RBFOX1: variants seen among roughly 807,000 people sequenced by gnomAD.
RBFOX1 encodes the protein RNA binding fox-1 homolog 1, also known as RNA binding protein fox-1 homolog 1.
A neutral mutation model predicts 57.7 loss-of-function variants in RBFOX1; 8 were observed. The observed-to-expected ratio is 0.14, with a 90% CI of 0.08 to 0.25. RBFOX1 has a LOEUF of 0.25. RBFOX1 is among the 10% of genes least tolerant of loss of function. The pLI is 1.00. For synonymous variants in RBFOX1, 326 were observed against 222.4 expected (o/e 1.47, Z -4.15); for missense variants, 611 against 548.5 (o/e 1.11, Z -1.14).
intron 1 of RBFOX1, among the ~76,000 whole-genome samples, chr16:6,071,489 G>A (rs933727): frequency 0.33 from 50,054 of 151,926 alleles, 8,480 homozygotes; most frequent in East Asian, 0.42. Context: ...TGAGTTTACC[G>A]ATATAACAAA....
chr16:6,204,347 A>G (rs1489331071), intron 1 of RBFOX1, among the ~76,000 whole-genome samples: 1 of 152,180 alleles, frequency 6.6e-6, no homozygotes, highest in Non-Finnish European at 1.5e-5. Flanking sequence ...GTGACCACTC[A>G]TCCAGATGTA....
At chr16:6,515,876 T>C (rs1488552516) in intron 2 of RBFOX1, among the ~76,000 whole-genome samples, 2 of 152,334 alleles carry the variant, frequency 1.3e-5, no homozygotes, top group South Asian at 2.1e-4. Context: ...AACACCTAGC[T>C]CAAATGTCAG....
At chr16:6,220,632 G>A (rs1470338655) in intron 1 of RBFOX1, among the ~76,000 whole-genome samples, 7 of 152,022 alleles carry the variant, frequency 4.6e-5, no homozygotes, top group Non-Finnish European at 1.0e-4. Context: ...TTACAGAGCT[G>A]TTTCTTCTAA....
At chr16:7,318,735 T>G (rs949137961) in intron 4 of RBFOX1, among the ~76,000 whole-genome samples, 1 of 152,206 alleles carries the variant, frequency 6.6e-6, no homozygotes, top group African/African-American at 2.4e-5. Flanking sequence ...TTTTGCTTTT[T>G]ATAGCAGGCT....
At chr16:7,017,621 C>G (rs1357090887) in intron 3 of RBFOX1, among the ~76,000 whole-genome samples, 1 of 152,132 alleles carries the variant, frequency 6.6e-6, no homozygotes, top group Non-Finnish European at 1.5e-5. Context: ...ATTGTGGCCT[C>G]AGGTTGAAAT....
rs576078633 is a variant in RBFOX1 at position 7,196,481 on chromosome 16, C to T, written c.27+144383C>T. ...GTGTAGGTACCCAAAGGTCCAATGG[C>T]TTCCCAAACATTTAAGAGGCGTCTA... On this transcript the variant is annotated intron_variant, in intron 4 of 15. Transcript: ENST00000550418. Among the ~76,000 whole-genome samples the T allele has an allele frequency of 1.5e-4, 23 of 152,306 alleles. No individual in the cohort carries two copies. The South Asian group carries it at 3.3e-3, about 22-fold the overall frequency.
intron 1 of RBFOX1, among the ~76,000 whole-genome samples, chr16:6,083,329 A>G (rs2096036129): frequency 6.6e-6 from 1 of 152,176 alleles, no homozygotes; most frequent in Non-Finnish European, 1.5e-5. Context: ...AAGGTGGAAC[A>G]TGCTTTATTA....
intron 1 of RBFOX1, among the ~76,000 whole-genome samples, chr16:5,368,083 A>G (rs1033450303): frequency 6.6e-6 from 1 of 152,244 alleles, no homozygotes; most frequent in Non-Finnish European, 1.5e-5. Context: ...GTCACAAATC[A>G]GTTCAGCCCA....
At chr16:6,250,634 G>T (rs1237835098) in intron 1 of RBFOX1, among the ~76,000 whole-genome samples, 1 of 152,128 alleles carries the variant, frequency 6.6e-6, no homozygotes, top group African/African-American at 2.4e-5. Context: ...TTTGAGAGGG[G>T]TCATCCCTGT....
chr16:6,766,841 GA>G, intron 3 of RBFOX1, among the ~76,000 whole-genome samples: 1 of 152,064 alleles, frequency 6.6e-6, no homozygotes, highest in East Asian at 1.9e-4. Context: ...GATGGGAGGG[GA>G]TCTGGGGAAG....
At chr16:7,664,670 T>A in intron 12 of RBFOX1, 1 of 553,432 alleles carries the variant, frequency 1.8e-6, no homozygotes, top group East Asian at 3.0e-5. Context: ...TACCCACTCC[T>A]GAGAGAGTGG....
intron 4 of RBFOX1, among the ~76,000 whole-genome samples, chr16:7,216,153 A>G (rs909400158): frequency 6.6e-6 from 1 of 152,200 alleles, no homozygotes; most frequent in African/African-American, 2.4e-5. Context: ...TTGTGTGGAT[A>G]TACCATGTTG....
chr16:6,559,861 C>G (rs1353455854), intron 2 of RBFOX1, among the ~76,000 whole-genome samples: 1 of 152,100 alleles, frequency 6.6e-6, no homozygotes, highest in African/African-American at 2.4e-5. Flanking sequence ...TGCCTAAAGT[C>G]TGGACCCACT....
chr16:6,616,146 G>A (rs2098137947), intron 2 of RBFOX1, among the ~76,000 whole-genome samples: 3 of 152,126 alleles, frequency 2.0e-5, no homozygotes, highest in African/African-American at 7.2e-5. Context: ...CCTTTTTGCA[G>A]GAGCAAATTT....
At chr16:6,656,998 C>G (rs2098661300) in intron 3 of RBFOX1, among the ~76,000 whole-genome samples, 1 of 123,578 alleles carries the variant, frequency 8.1e-6, no homozygotes, top group African/African-American at 3.2e-5. Flanking sequence ...CTCTCCTCCC[C>G]TTTCCTCTCC....
intron 1 of RBFOX1, among the ~76,000 whole-genome samples, chr16:6,102,308 C>T (rs1339608745): frequency 6.6e-6 from 1 of 151,900 alleles, no homozygotes; most frequent in Non-Finnish European, 1.5e-5. Flanking sequence ...GTTGTGACAT[C>T]ATTAGGTCTG....
In RBFOX1 at chr16:6,931,360, C is replaced by CACACACACAT. The variant is rs112897436; in HGVS notation, c.-15-120694_-15-120693insCACACATACA. ...ATCTCTACACACACACACACACACA[C>CACACACACAT]ACATACATACACATATATACATACA... On this transcript the variant is annotated intron_variant, in intron 3 of 15. Coordinates refer to ENST00000550418, the MANE Select transcript of RBFOX1 (RefSeq NM_018723.4). 4.8e-3 allele frequency among the ~76,000 whole-genome samples: 705 copies of CACACACACAT among 146,664 alleles called. 9 individuals are homozygous for CACACACACAT. The highest frequency in any genetic ancestry group is 0.017 in the African/African-American group (682 of 39,024).
intron 4 of RBFOX1, among the ~76,000 whole-genome samples, chr16:5,912,596 G>A (rs1410739880): frequency 2.0e-5 from 3 of 152,112 alleles, no homozygotes; most frequent in African/African-American, 4.8e-5. Context: ...CAAGAACTTG[G>A]TAGGCATCTG....
At chr16:6,796,591 A>G (rs141986911) in intron 3 of RBFOX1, among the ~76,000 whole-genome samples, 3 of 152,272 alleles carry the variant, frequency 2.0e-5, no homozygotes, top group African/African-American at 7.2e-5. Flanking sequence ...ACCCTTATTC[A>G]TACCTATCCT....
Sources: gnomAD v4.1 joint callset for allele counts (sites outside exome capture counted in the v4.1 genomes callset) on GRCh38, gnomAD v4.1.1 for gene constraint, MANE v1.5 for transcripts, NCBI Gene and HGNC (gene_info 2026-07-23, HGNC 2026-07-21) for gene names.